The following RTCA variants were observed in gnomAD, a reference collection of about 807,000 sequenced individuals.
RTCA encodes RNA terminal phosphate cyclase domain 1.
In RTCA, 37 loss-of-function variants were observed where a neutral mutation model predicts 46.1. The observed-to-expected ratio is 0.80, with a 90% CI of 0.62 to 1.06. RTCA has a LOEUF of 1.06. Among genes scored for constraint, RTCA ranks in the 50% least tolerant of loss-of-function variants. The pLI, the probability that RTCA is intolerant of heterozygous loss-of-function variation, is 0.00. For missense variants in RTCA, 435 were observed against 455.5 expected, an observed-to-expected ratio of 0.95 and a Z score of 0.41; for synonymous variants, 164 against 158.3, an observed-to-expected ratio of 1.04 and a Z score of -0.27.
Position 100,275,689 on chromosome 1 carries a change from A to G in RTCA, c.706A>G (p.Lys236Glu), listed in dbSNP as rs1358218960. 6.2e-7 allele frequency: 1 copy of G among 1,611,846 alleles called. No homozygotes were observed. The highest frequency in any genetic ancestry group is 1.1e-5 in the South Asian group (1 of 90,520). ...YVNIQPVQEP[K>E]DQAFGNGNGI... ...TAACATCCAGCCTGTTCAAGAACCT[A>G]AAGACCAAGCATTTGGCAATGGAAA... Residue 236 changes from lysine (K) to glutamate (E), a missense_variant, in exon 7 of 11, where the codon AAA becomes GAA. Lys to Glu is a moderately conservative substitution (Grantham distance 56, BLOSUM62 1). Transcript: ENST00000370128.
chr1:100,276,442 G>A (rs1666386317), intron 7 of RTCA, among the ~76,000 whole-genome samples: 1 of 152,158 alleles, frequency 6.6e-6, no homozygotes, highest in African/African-American at 2.4e-5. Flanking sequence ...ACTTTGGGAG[G>A]CTGAGGCGGG....
At chr1:100,269,500 A>G (rs2100789889) in intron 3 of RTCA, among the ~76,000 whole-genome samples, 1 of 151,442 alleles carries the variant, frequency 6.6e-6, no homozygotes, top group South Asian at 2.1e-4. Flanking sequence ...TGCCTGGTTA[A>G]TTTTTAAATT....
At chr1:100,288,498 C>T (rs1318362655) in intron 10 of RTCA, among the ~76,000 whole-genome samples, 2 of 151,560 alleles carry the variant, frequency 1.3e-5, no homozygotes, top group Admixed American at 1.3e-4. Flanking sequence ...CTCAAATGAT[C>T]CTCCCACCGC....
chr1:100,279,805 GC>G (rs1205854097), intron 8 of RTCA, among the ~76,000 whole-genome samples: 2 of 152,158 alleles, frequency 1.3e-5, no homozygotes, highest in African/African-American at 2.4e-5. Context: ...CTGTGTTTGA[GC>G]AAGCAACTGC....
chr1:100,290,191 G>T (rs779608805), intron 10 of RTCA, among the ~76,000 whole-genome samples: 1 of 152,030 alleles, frequency 6.6e-6, no homozygotes, highest in Non-Finnish European at 1.5e-5. Flanking sequence ...TTTTCAAATT[G>T]TGCTTCCAAG....
intron 2 of RTCA, chr1:100,267,576 T>G: frequency 7.2e-6 from 11 of 1,524,520 alleles, no homozygotes; most frequent in Non-Finnish European, 9.7e-6. Flanking sequence ...AAGGATCTGC[T>G]CCAGGCCTGT....
At position 100,274,508 on chromosome 1, in the gene RTCA, A is replaced by G. The variant is rs144805722; in HGVS notation, c.474-316A>G. 4.6e-3 allele frequency among the ~76,000 whole-genome samples: 706 copies of G among 152,324 alleles called. 5 individuals carry two copies. The highest frequency in any genetic ancestry group is 0.017 in the African/African-American group (693 of 41,568). On this transcript the variant is annotated intron_variant, in intron 5 of 10. Coordinates refer to ENST00000370128, the MANE Select transcript of RTCA (RefSeq NM_003729.4). ...GCATTGGGGTATATGTTCCATATCT[A>G]TGCTGTCCAATATGGTAGTCACTAG... is the stretch of plus-strand genomic sequence containing the variant.
rs1449966891 is a variant in RTCA at position 100,287,119 on chromosome 1, A to G, written c.915A>G (p.Leu305=). ...AATAGCTGATTGTTTTCATGGCATT[A>G]GCCAATGGAGTTTCCAGAATAAAAA... ...LQDQLIVFMA[L]ANGVSRIKTG... is the part of the protein sequence containing the mutation. The change falls in exon 10 of 11, where the codon TTA becomes TTG. Residue 305 remains leucine, a synonymous_variant. Transcript: ENST00000370128. 1.9e-6 allele frequency: 3 copies of G among 1,574,032 alleles called. No individual in the cohort carries two copies. Among genetic ancestry groups the G allele is most frequent in the Non-Finnish European group, 2.6e-6 (3 of 1,164,540 alleles).
At chr1:100,281,691 T>C (rs1055737629) in intron 8 of RTCA, among the ~76,000 whole-genome samples, 3 of 152,062 alleles carry the variant, frequency 2.0e-5, no homozygotes, top group African/African-American at 7.2e-5. Flanking sequence ...GTGTATGTGG[T>C]AATTCAGGGC....
At chr1:100,270,847 G>T (rs1381832328) in intron 4 of RTCA, among the ~76,000 whole-genome samples, 167 bp downstream of exon 4, 1 of 151,366 alleles carries the variant, frequency 6.6e-6, no homozygotes, top group Non-Finnish European at 1.5e-5. Flanking sequence ...TGTTGCCAAG[G>T]CTGGAGTACA....
chr1:100,274,743 G>GACATGTCAATGATATCCAA, intron 5 of RTCA, 81 bp from the exon 6 acceptor site: 1 of 1,326,732 alleles, frequency 7.5e-7, no homozygotes, highest in Non-Finnish European at 1.0e-6. Context: ...GGATATCATT[G>GACATGTCAATGATATCCAA]ACATGTCATT....
chr1:100,270,971 T>G (rs1426932246), intron 4 of RTCA, among the ~76,000 whole-genome samples: 2 of 151,902 alleles, frequency 1.3e-5, no homozygotes, highest in African/African-American at 4.8e-5. Flanking sequence ...TTTTTTAAAT[T>G]TTTTGTAGAG....
chr1:100,270,792 T>A (rs1443459233), intron 4 of RTCA, 112 bp downstream of exon 4: 2 of 1,289,646 alleles, frequency 1.6e-6, no homozygotes, highest in African/African-American at 3.0e-5. Context: ...TATCTCTTCA[T>A]GGTGTCTTTT....
chr1:100,283,337 A>C (rs1666825746), intron 8 of RTCA, among the ~76,000 whole-genome samples: 1 of 151,580 alleles, frequency 6.6e-6, no homozygotes, highest in Admixed American at 6.6e-5. Flanking sequence ...TGCCTGGCTA[A>C]TTTTTGTATT....
At chr1:100,285,742 C>A (rs1227192278) in intron 9 of RTCA, among the ~76,000 whole-genome samples, 2 of 152,122 alleles carry the variant, frequency 1.3e-5, no homozygotes, top group African/African-American at 2.4e-5. Context: ...GCTTCAGCTT[C>A]CTGAGTAGCT....
In RTCA at chr1:100,289,231, T is replaced by C. The variant is rs563925793; in HGVS notation, c.999+2028T>C. Among the ~76,000 whole-genome samples, 18 of 152,192 alleles carry C rather than the reference T, an allele frequency of 1.2e-4. No individual in the cohort carries two copies. In the South Asian group the frequency reaches 3.7e-3, roughly 32 times the overall value. On this transcript the variant is annotated intron_variant, in intron 10 of 10. Coordinates refer to ENST00000370128, the MANE Select transcript of RTCA (RefSeq NM_003729.4). ...GTAGCCCCGAACTCCTGGGCTCAAG[T>C]GATCCTTTCACCTCAGCCTATCAAG...
At chr1:100,272,033 C>T (rs372451703) in intron 4 of RTCA, among the ~76,000 whole-genome samples, 8 of 152,076 alleles carry the variant, frequency 5.3e-5, no homozygotes, top group Non-Finnish European at 7.4e-5. Flanking sequence ...GTTGTGTTCT[C>T]GTATATGGAT....
chr1:100,267,947 C>T (rs755619572), intron 2 of RTCA: 465 of 608,620 alleles, frequency 7.6e-4, no homozygotes, highest in Non-Finnish European at 1.1e-3. Flanking sequence ...AATAACTGGT[C>T]TGCAAGGAAG....
chr1:100,274,043 G>C (rs1666242526), intron 5 of RTCA, among the ~76,000 whole-genome samples: 1 of 151,998 alleles, frequency 6.6e-6, no homozygotes, highest in Non-Finnish European at 1.5e-5. Context: ...GGACTTTTGT[G>C]TCTTTGTTCA....
Sources: allele counts gnomAD v4.1 joint callset (sites outside exome capture counted in the v4.1 genomes callset), GRCh38; gene constraint gnomAD v4.1.1; transcripts MANE v1.5; gene names NCBI Gene and HGNC (gene_info 2026-07-23, HGNC 2026-07-21).